Variants in SPOCK1 observed in about 807,000 individuals in gnomAD.
SPOCK1 encodes the protein testican-1.
A neutral mutation model predicts 55.3 loss-of-function variants in SPOCK1; 23 were observed. That is an observed-to-expected ratio of 0.42 (90% CI 0.30 to 0.59). The LOEUF is 0.59. Ranked by LOEUF, SPOCK1 falls within the 20% of genes least tolerant of loss-of-function variation. SPOCK1 has a pLI of 0.22. For missense variants in SPOCK1, 499 were observed against 552.5 expected (o/e 0.90, Z 0.97); for synonymous variants, 226 against 221.0 (o/e 1.02, Z -0.20).
At chr5:137,187,591 C>T (rs1026906010) in intron 3 of SPOCK1, among the ~76,000 whole-genome samples, 12 of 152,134 alleles carry the variant, frequency 7.9e-5, no homozygotes, top group African/African-American at 1.2e-4. Flanking sequence ...CTACCCCCAA[C>T]GCAACTGTAA....
chr5:137,001,031 A>G (rs1171509987), intron 6 of SPOCK1, among the ~76,000 whole-genome samples: 2 of 152,134 alleles, frequency 1.3e-5, no homozygotes, highest in Admixed American at 1.3e-4. Flanking sequence ...AAATAAAAAC[A>G]AAAAATAGGC....
At chr5:137,223,413 AG>A (rs1483505508) in intron 3 of SPOCK1, among the ~76,000 whole-genome samples, 1 of 152,068 alleles carries the variant, frequency 6.6e-6, no homozygotes, top group Non-Finnish European at 1.5e-5. Flanking sequence ...CTAATAACTC[AG>A]CTTTTGAAAT....
chr5:137,488,382 A>C (rs1379818165), intron 2 of SPOCK1, among the ~76,000 whole-genome samples: 3 of 152,170 alleles, frequency 2.0e-5, no homozygotes, highest in Non-Finnish European at 4.4e-5. Context: ...GTCTTCAAAA[A>C]AAAAAGAATC....
At chr5:137,257,871 G>A (rs1038770026) in intron 3 of SPOCK1, among the ~76,000 whole-genome samples, 1 of 152,100 alleles carries the variant, frequency 6.6e-6, no homozygotes, top group African/African-American at 2.4e-5. Context: ...ATTTTATTTC[G>A]TGTGTGTCTC....
At chr5:137,435,470 G>A (rs1286145029) in intron 2 of SPOCK1, among the ~76,000 whole-genome samples, 3 of 149,174 alleles carry the variant, frequency 2.0e-5, no homozygotes, top group South Asian at 4.3e-4. Context: ...CAATTTTTTT[G>A]TATGTTTCTC....
chr5:137,367,344 G>A (rs1280486579), intron 2 of SPOCK1, among the ~76,000 whole-genome samples: 2 of 152,136 alleles, frequency 1.3e-5, no homozygotes, highest in African/African-American at 2.4e-5. Context: ...TCAACATGCC[G>A]CAAGAAGCAG....
chr5:137,244,110 T>C (rs1270832601), intron 3 of SPOCK1, among the ~76,000 whole-genome samples: 5 of 152,160 alleles, frequency 3.3e-5, no homozygotes, highest in Non-Finnish European at 7.4e-5. Flanking sequence ...GTATAAAAAA[T>C]GTCAGAGATG....
intron 2 of SPOCK1, among the ~76,000 whole-genome samples, chr5:137,483,428 A>T (rs1159501573): frequency 6.6e-6 from 1 of 152,212 alleles, no homozygotes. Context: ...AAGAGGAGCC[A>T]TATGCCCTAG....
chr5:137,329,035 T>C (rs1290968064), intron 2 of SPOCK1, among the ~76,000 whole-genome samples: 1 of 152,168 alleles, frequency 6.6e-6, no homozygotes, highest in Admixed American at 6.5e-5. Flanking sequence ...TCTGGCTGTG[T>C]CTGTGAAGGT....
At chr5:137,160,579 TATATATAATATATAATATA>T (rs1754520449) in intron 3 of SPOCK1, among the ~76,000 whole-genome samples, 1 of 60,126 alleles carries the variant, frequency 1.7e-5, no homozygotes, top group African/African-American at 7.2e-5. Flanking sequence ...TATTATATAA[TATATATAATATATAATATA>T]TTATATATAA....
intron 2 of SPOCK1, among the ~76,000 whole-genome samples, chr5:137,462,230 C>T (rs12189336): frequency 0.27 from 41,388 of 152,088 alleles, 5,845 homozygotes; most frequent in Admixed American, 0.35. Context: ...ATAGAATTTC[C>T]CATTGTTTCT....
At chr5:137,227,177 A>G (rs1755962582) in intron 3 of SPOCK1, among the ~76,000 whole-genome samples, 1 of 152,204 alleles carries the variant, frequency 6.6e-6, no homozygotes, top group African/African-American at 2.4e-5. Context: ...TGTGAACTAC[A>G]GTACTTTTCC....
chr5:137,377,563 A>G (rs978297557), intron 2 of SPOCK1, among the ~76,000 whole-genome samples: 1 of 152,254 alleles, frequency 6.6e-6, no homozygotes, highest in Non-Finnish European at 1.5e-5. Context: ...AGTATCAAGG[A>G]ACAATTTGTT....
intron 5 of SPOCK1, among the ~76,000 whole-genome samples, chr5:137,086,054 T>C (rs1752955929): frequency 1.3e-5 from 2 of 152,190 alleles, no homozygotes; most frequent in South Asian, 4.1e-4. Flanking sequence ...AAAATGCTCA[T>C]AGAGTATTTA....
intron 5 of SPOCK1, among the ~76,000 whole-genome samples, chr5:137,070,795 A>C (rs1752596997): frequency 6.6e-6 from 1 of 151,362 alleles, no homozygotes; most frequent in Non-Finnish European, 1.5e-5. Context: ...CCTGGAATCC[A>C]CTTTCTCGGC....
intron 6 of SPOCK1, among the ~76,000 whole-genome samples, chr5:137,009,109 C>T (rs1751304104): frequency 6.6e-6 from 1 of 152,112 alleles, no homozygotes; most frequent in South Asian, 2.1e-4. Context: ...ATTTTATTTT[C>T]AGACCAGGTC....
intron 3 of SPOCK1, among the ~76,000 whole-genome samples, chr5:137,202,126 C>T (rs1012987637): frequency 6.6e-6 from 1 of 152,220 alleles, no homozygotes; most frequent in Non-Finnish European, 1.5e-5. Context: ...AATCATTTCC[C>T]AATCATACTG....
At chr5:137,123,035 A>G (rs1753717041) in intron 4 of SPOCK1, among the ~76,000 whole-genome samples, 1 of 152,170 alleles carries the variant, frequency 6.6e-6, no homozygotes, top group Non-Finnish European at 1.5e-5. Context: ...GACAGGCTAG[A>G]TCCTGATTGA....
chr5:137,493,982 G>C (rs942696520), intron 2 of SPOCK1, among the ~76,000 whole-genome samples: 4 of 152,154 alleles, frequency 2.6e-5, no homozygotes, highest in African/African-American at 9.7e-5. Flanking sequence ...GAAGGAAAAA[G>C]AACAGAAGTT....
Sources: gnomAD v4.1 joint callset for allele counts (sites outside exome capture counted in the v4.1 genomes callset) on GRCh38, gnomAD v4.1.1 for gene constraint, MANE v1.5 for transcripts, NCBI Gene and HGNC (gene_info 2026-07-23, HGNC 2026-07-21) for gene names.